Variants in CNN3 observed in about 807,000 individuals in gnomAD.
CNN3 encodes calponin 3.
CNN3 carries 11 observed loss-of-function variants against 39.0 expected under a neutral mutation model. The ratio of observed to expected loss-of-function variants is 0.28; its 90% confidence interval spans 0.18 to 0.47. The LOEUF (loss-of-function observed/expected upper bound fraction) is 0.47. Among genes scored for constraint, CNN3 ranks in the 20% least tolerant of loss-of-function variants. The pLI is 0.99. For missense variants in CNN3, 266 were observed against 403.4 expected (o/e 0.66, Z 2.92); for synonymous variants, 101 against 138.3 (o/e 0.73, Z 1.89).
chr1:94,917,376 G>A (rs1276372870), intron 1 of CNN3, among the ~76,000 whole-genome samples: 5 of 152,106 alleles, frequency 3.3e-5, no homozygotes, highest in Admixed American at 6.6e-5. Context: ...AATAATTTGT[G>A]GAAAAAACGC....
chr1:94,916,996 G>A (rs972076573), intron 1 of CNN3, among the ~76,000 whole-genome samples: 1 of 152,106 alleles, frequency 6.6e-6, no homozygotes, highest in African/African-American at 2.4e-5. Context: ...ATTTTGATAA[G>A]ATATCATTTT....
intron 1 of CNN3, among the ~76,000 whole-genome samples, chr1:94,904,090 T>C (rs890395281): frequency 6.6e-5 from 10 of 152,244 alleles, no homozygotes; most frequent in African/African-American, 1.9e-4. Flanking sequence ...ATTCTGTTTA[T>C]GTAGTCTCTA....
intron 1 of CNN3, among the ~76,000 whole-genome samples, chr1:94,907,695 C>A (rs1173671339): frequency 6.6e-6 from 1 of 152,096 alleles, no homozygotes; most frequent in Admixed American, 6.5e-5. Flanking sequence ...CCTGTCTCTG[C>A]TAAAAATACA....
intron 1 of CNN3, among the ~76,000 whole-genome samples, chr1:94,915,347 A>T (rs1232958783): frequency 6.6e-6 from 1 of 152,174 alleles, no homozygotes; most frequent in East Asian, 1.9e-4. Flanking sequence ...ACCAAGACAA[A>T]GAGGGACATA....
intron 5 of CNN3, 79 bp downstream of exon 5, chr1:94,901,590 A>T: frequency 2.2e-6 from 2 of 910,210 alleles, no homozygotes. Flanking sequence ...GTCTATTCTT[A>T]GGAGAGGCTT....
intron 1 of CNN3, chr1:94,925,804 G>C: frequency 1.0e-6 from 1 of 985,416 alleles, no homozygotes; most frequent in South Asian, 4.7e-5. Flanking sequence ...CCTTTGTGGC[G>C]CTTTGGCCAG....
chr1:94,918,519 A>AAAAAAC (rs1557915304), intron 1 of CNN3, among the ~76,000 whole-genome samples: 2 of 136,930 alleles, frequency 1.5e-5, no homozygotes, highest in Non-Finnish European at 1.6e-5. Context: ...AAAAAAAAAA[A>AAAAAAC]AGTCGGCAAG....
At position 94,926,447 on chromosome 1, in the gene CNN3, T is replaced by C. The variant is rs1671583353; in HGVS notation, c.57+391A>G. Among the ~76,000 whole-genome samples, 1 of 152,064 alleles carries C rather than the reference T, an allele frequency of 6.6e-6. No individual in the cohort carries two copies. The highest frequency in any genetic ancestry group is 2.1e-4 in the South Asian group (1 of 4,828). ...CTGCGGCAGCGGCTCGCCGGGTCCC[T>C]GGCCGCGCAGACGGGCTCCGCCTAA... is the stretch of plus-strand genomic sequence containing the variant. On this transcript the variant is annotated intron_variant, in intron 1 of 6. Coordinates refer to ENST00000370206, the MANE Select transcript of CNN3 (RefSeq NM_001839.5). This position sits in a 1 kb window ranked among gnomAD's most constrained non-coding sequence, Gnocchi z 4.2.
At position 94,908,644 on chromosome 1, in the gene CNN3, G is replaced by A. The variant is rs553945194; in HGVS notation, c.58-5120C>T. 2.6e-5 allele frequency among the ~76,000 whole-genome samples: 4 copies of A among 152,214 alleles called. No homozygotes were observed. In the East Asian group the frequency reaches 5.8e-4, roughly 22 times the overall value. On this transcript the variant is annotated intron_variant, in intron 1 of 6. Transcript: ENST00000370206. ...CAACCTCCACCTCCCGGGTTCAAGC[G>A]ATTCTCCTGCCTCAACCTCCTGAGT...
intron 6 of CNN3, among the ~76,000 whole-genome samples, chr1:94,898,560 A>C (rs1283294058): frequency 6.6e-6 from 1 of 152,094 alleles, no homozygotes; most frequent in Non-Finnish European, 1.5e-5. Context: ...GATCTTAAGG[A>C]CTTGAGTCTT....
chr1:94,902,742 G>A (rs976297423), intron 3 of CNN3, among the ~76,000 whole-genome samples: 2 of 152,022 alleles, frequency 1.3e-5, no homozygotes, highest in African/African-American at 4.8e-5. Context: ...ATGAACTAAG[G>A]TTATGTCTGA....
At chr1:94,899,048 G>A (rs1007195319) in intron 6 of CNN3, among the ~76,000 whole-genome samples, 1 of 150,908 alleles carries the variant, frequency 6.6e-6, no homozygotes, top group Non-Finnish European at 1.5e-5. Flanking sequence ...TTAATTAAGG[G>A]CTCCTTAAAA....
rs1267664457 is a variant in CNN3 at position 94,918,503 on chromosome 1, AAAAT to A, written c.57+8331_57+8334del. On this transcript the variant is annotated intron_variant, in intron 1 of 6. Coordinates refer to ENST00000370206, the MANE Select transcript of CNN3 (RefSeq NM_001839.5). ...AGTGAGACTGTCTCCCAAAAAAAAT[AAAAT>A]AAAAAAAAAAAAAGTCGGCAAGGGG... 9.2e-4 allele frequency among the ~76,000 whole-genome samples: 4 copies of A among 4,346 alleles called. 1 individual carries two copies. Among genetic ancestry groups the A allele is most frequent in the African/African-American group, 2.6e-3 (4 of 1,520 alleles). 2.9% of individuals were successfully genotyped at this position (4,346 alleles called of 152,430 possible). A position where few individuals can be genotyped will look rare whatever the true frequency, so the allele number is the denominator to read the frequency against.
chr1:94,914,971 C>T (rs1388281952), intron 1 of CNN3, among the ~76,000 whole-genome samples: 1 of 151,976 alleles, frequency 6.6e-6, no homozygotes, highest in African/African-American at 2.4e-5. Context: ...GAAGCCTCAA[C>T]CTCCCAGGCT....
At chr1:94,909,623 T>C (rs1191138477) in intron 1 of CNN3, among the ~76,000 whole-genome samples, 2 of 152,056 alleles carry the variant, frequency 1.3e-5, no homozygotes, top group African/African-American at 4.8e-5. Context: ...GGCCTATGTG[T>C]CCTAACAGTG....
intron 1 of CNN3, chr1:94,925,756 C>T: frequency 2.0e-6 from 2 of 985,458 alleles, no homozygotes; most frequent in Non-Finnish European, 2.4e-6. Flanking sequence ...TGCTTGGGCT[C>T]CCGGGAGGTT....
intron 1 of CNN3, 132 bp from the exon 2 acceptor site, chr1:94,903,656 C>G: frequency 8.9e-7 from 1 of 1,125,292 alleles, no homozygotes; most frequent in South Asian, 1.5e-5. Flanking sequence ...CTCAATAGAT[C>G]TCAATGGCAA....
chr1:94,901,722 T>C lies in CNN3; in HGVS notation c.448A>G (p.Arg150Gly). The change falls in exon 5 of 7, where the codon AGA (arginine) becomes GGA (glycine). Residue 150 changes from arginine (R) to glycine (G), a missense_variant. Coordinates refer to ENST00000370206, the MANE Select transcript of CNN3 (RefSeq NM_001839.5). ...IGVKYAEKQTRRFDEGKLKAG... is the reference protein window; with the variant it reads ...IGVKYAEKQTGRFDEGKLKAG... ...TTTAATTTTCCTTCATCAAAACGTC[T>C]TGTTTGTTTTTCTGCATACTTAACT... is the stretch of plus-strand genomic sequence containing the variant. The C allele has an allele frequency of 6.2e-7, 1 of 1,614,136 alleles. No individual in the cohort carries two copies. Among genetic ancestry groups the C allele is most frequent in the Non-Finnish European group, 8.5e-7 (1 of 1,180,012 alleles).
At position 94,901,924 on chromosome 1, in the gene CNN3, T is replaced by A. The variant is rs915635812; in HGVS notation, c.385-139A>T. On this transcript the variant is annotated intron_variant, in intron 4 of 6. Transcript: ENST00000370206. The stretch of plus-strand genomic sequence containing the variant: ...TAAGGCTGTTCAATAATATACTGCA[T>A]CATTTGAAATGTGAGTGTTCTAAGT... 5.4e-5 allele frequency: 38 copies of A among 705,066 alleles called. No homozygotes were observed. In the East Asian group the frequency reaches 9.6e-4, roughly 18 times the overall value. The allele number at this position is 705,066 out of a possible 1,614,324, so 43.7% of individuals were successfully genotyped here. A position where few individuals can be genotyped will look rare whatever the true frequency, so the allele number is the denominator to read the frequency against.
Sources: gnomAD v4.1 joint callset for allele counts (sites outside exome capture counted in the v4.1 genomes callset) on GRCh38, gnomAD v4.1.1 for gene constraint, Gnocchi (gnomAD v3.1) non-coding constraint, MANE v1.5 for transcripts, NCBI Gene and HGNC (gene_info 2026-07-23, HGNC 2026-07-21) for gene names.